The following MMRN1 variants were observed in gnomAD, a reference collection of about 807,000 sequenced individuals.
MMRN1 encodes multimerin 1, also known as multimerin-1.
In MMRN1, 94 loss-of-function variants were observed where a neutral mutation model predicts 100.7. The observed-to-expected ratio is 0.93, with a 90% CI of 0.79 to 1.11. MMRN1 has a LOEUF of 1.11. Among genes scored for constraint, MMRN1 ranks in the 50% least tolerant of loss-of-function variants. The pLI is 0.00. For synonymous variants in MMRN1, 575 were observed against 505.0 expected (o/e 1.14, Z -1.86); for missense variants, 1,606 against 1,439.1 (o/e 1.12, Z -1.88).
In MMRN1 at chr4:89,923,228, G is replaced by A. The variant is rs1722146668; in HGVS notation, c.911G>A (p.Arg304Lys). ...GCTGAAAGTCATACAGCTGTTGGCA[G>A]AGGAGTAGCTGAGCAGCAGCAGCAG... is the stretch of plus-strand genomic sequence containing the variant. ...NQAESHTAVG[R>K]GVAEQQQQQG... Residue 304 changes from arginine to lysine, a missense_variant, in exon 4 of 8, where the codon AGA (arginine) becomes AAA (lysine). Transcript: ENST00000264790. 2 of 1,614,024 alleles carry A rather than the reference G, an allele frequency of 1.2e-6. No homozygotes were observed. The highest frequency in any genetic ancestry group is 2.7e-5 in the African/African-American group (2 of 75,064).
At chr4:89,887,243 T>C (rs1162012027) in intron 1 of MMRN1, among the ~76,000 whole-genome samples, 1 of 152,074 alleles carries the variant, frequency 6.6e-6, no homozygotes, top group Non-Finnish European at 1.5e-5. Context: ...GATCTACAGA[T>C]TTAATGCAAT....
chr4:89,935,398 A>G lies in MMRN1; in HGVS notation c.1718A>G (p.Lys573Arg). The G allele has an allele frequency of 3.1e-6, 5 of 1,613,466 alleles. No homozygotes were observed. Among genetic ancestry groups the G allele is most frequent in the Non-Finnish European group, 4.2e-6 (5 of 1,179,722 alleles). Reference sequence around the variant, plus strand: ...GAAGATTTGCACATTCAAGAAAGCAAGATTAACAATCTCACCGTCTCTTTG... The same window carrying G: ...GAAGATTTGCACATTCAAGAAAGCAGGATTAACAATCTCACCGTCTCTTTG... The part of the protein sequence containing the change: ...MFEDLHIQES[K>R]INNLTVSLEM... The change falls in exon 6 of 8, where the codon AAG (lysine) becomes AGG (arginine). Residue 573 changes from lysine to arginine, a missense_variant. Physicochemically the swap from Lys to Arg is conservative, Grantham distance 26. Transcript: ENST00000264790.
intron 1 of MMRN1, among the ~76,000 whole-genome samples, chr4:89,883,047 A>G (rs1275624011): frequency 1.3e-5 from 2 of 152,020 alleles, no homozygotes; most frequent in East Asian, 3.9e-4. Flanking sequence ...TCTCTCAGTA[A>G]TCATATTGAT....
At chr4:89,939,742 G>A (rs1470331411) in intron 6 of MMRN1, among the ~76,000 whole-genome samples, 1 of 152,108 alleles carries the variant, frequency 6.6e-6, no homozygotes, top group Non-Finnish European at 1.5e-5. Flanking sequence ...TGCATCATAT[G>A]TTCTTCAGTC....
Position 89,879,766 on chromosome 4 carries a change from A to T in MMRN1, c.-249+164A>T, listed in dbSNP as rs947021871. Among the ~76,000 whole-genome samples, 6 of 152,322 alleles carry T rather than the reference A, an allele frequency of 3.9e-5. No individual in the cohort carries two copies. The South Asian group carries it at 1.0e-3, about 26-fold the overall frequency. ...TTAAAAAAAAGCATAATTTTCCTTT[A>T]TAATGGGCACTTAGAATGCAGTAAG... On this transcript the variant is annotated intron_variant, in intron 1 of 8. Coordinates refer to the MMRN1 transcript ENST00000394980.
chr4:89,891,526 T>C (rs1022052934), upstream of MMRN1, among the ~76,000 whole-genome samples: 1 of 152,124 alleles, frequency 6.6e-6, no homozygotes, highest in Non-Finnish European at 1.5e-5. Flanking sequence ...AATACTTACC[T>C]AACATGTTTG....
intron 6 of MMRN1, among the ~76,000 whole-genome samples, chr4:89,947,616 A>G (rs1312576240): frequency 6.6e-6 from 1 of 152,166 alleles, no homozygotes; most frequent in African/African-American, 2.4e-5. Flanking sequence ...TCAAGAAGAC[A>G]ACTTTGGAGC....
At chr4:89,936,901 C>T (rs1722663936) in intron 6 of MMRN1, 103 bp downstream of exon 6, 1 of 1,053,640 alleles carries the variant, frequency 9.5e-7, no homozygotes, top group Non-Finnish European at 1.3e-6. Flanking sequence ...AAACTACATA[C>T]TTGAACTTGG....
chr4:89,896,248 T>C (rs930473749), intron 1 of MMRN1, among the ~76,000 whole-genome samples: 2 of 152,156 alleles, frequency 1.3e-5, no homozygotes, highest in Admixed American at 1.3e-4. Context: ...CCTCACAGAA[T>C]AGGTGCTCAA....
At chr4:89,895,727 T>C in intron 1 of MMRN1, 133 bp downstream of exon 1, 1 of 1,386,950 alleles carries the variant, frequency 7.2e-7, no homozygotes, top group Non-Finnish European at 9.6e-7. Flanking sequence ...AATTTCACCA[T>C]TTCAGTTAGA....
rs1457821935 is a variant in MMRN1, at chr4:89,911,498, A to G, written c.744-446A>G. Among the ~76,000 whole-genome samples, 7 of 151,378 alleles carry G rather than the reference A, an allele frequency of 4.6e-5. No individual in the cohort carries two copies. The Admixed American group carries it at 4.6e-4, about 10-fold the overall frequency. ...TGGTTGTCATAATTTCAATTAGATC[A>G]CGAATATCCAATTTGTTTCAAGTTG... On this transcript the variant is annotated intron_variant, in intron 2 of 7. Coordinates refer to ENST00000264790, the MANE Select transcript of MMRN1 (RefSeq NM_007351.3).
At chr4:89,920,036 T>G (rs549762396) in intron 3 of MMRN1, among the ~76,000 whole-genome samples, 1 of 152,124 alleles carries the variant, frequency 6.6e-6, no homozygotes, top group Non-Finnish European at 1.5e-5. Flanking sequence ...AAAATAGTTT[T>G]CAGATGTTGC....
At chr4:89,917,643 T>C (rs1344184663) in intron 3 of MMRN1, among the ~76,000 whole-genome samples, 3 of 151,926 alleles carry the variant, frequency 2.0e-5, no homozygotes, top group Non-Finnish European at 4.4e-5. Flanking sequence ...TGATGTCGTC[T>C]TTCTTTTGCC....
intron 1 of MMRN1, among the ~76,000 whole-genome samples, chr4:89,897,982 A>G (rs910015825): frequency 1.3e-5 from 2 of 152,140 alleles, no homozygotes; most frequent in Admixed American, 6.5e-5. Flanking sequence ...GAAAAGTACT[A>G]ACTGCATGTA....
chr4:89,948,445 CAAT>C (rs1454890663), intron 6 of MMRN1, among the ~76,000 whole-genome samples: 1 of 151,908 alleles, frequency 6.6e-6, no homozygotes, highest in African/African-American at 2.4e-5. Context: ...ATTTTATTAT[CAAT>C]AATAATTGTA....
chr4:89,948,000 A>G (rs934975013), intron 6 of MMRN1, among the ~76,000 whole-genome samples: 2 of 152,018 alleles, frequency 1.3e-5, no homozygotes, highest in East Asian at 3.9e-4. Context: ...TTACAGGCAC[A>G]CACCACCACA....
intron 2 of MMRN1, among the ~76,000 whole-genome samples, chr4:89,911,314 G>C (rs17016373): frequency 0.082 from 12,404 of 151,252 alleles, 917 homozygotes; most frequent in East Asian, 0.3. Context: ...CTTTTCTGCT[G>C]TTCTATGGTT....
chr4:89,938,944 A>G (rs1175065685), intron 6 of MMRN1, among the ~76,000 whole-genome samples: 2 of 152,056 alleles, frequency 1.3e-5, no homozygotes, highest in African/African-American at 4.8e-5. Flanking sequence ...CGGGCCAGCA[A>G]CATAATGTAT....
intron 1 of MMRN1, among the ~76,000 whole-genome samples, chr4:89,899,658 C>T (rs72657797): frequency 0.11 from 17,334 of 152,070 alleles, 1,329 homozygotes; most frequent in Non-Finnish European, 0.17. Flanking sequence ...CCCACAATTC[C>T]CAACCCCTGT....
Sources: allele counts gnomAD v4.1 joint callset (sites outside exome capture counted in the v4.1 genomes callset), GRCh38; gene constraint gnomAD v4.1.1; transcripts MANE v1.5; gene names NCBI Gene and HGNC (gene_info 2026-07-23, HGNC 2026-07-21).